Variants in TSPAN9 observed in about 807,000 individuals in gnomAD.
The protein encoded by TSPAN9 is tetraspanin 9.
A neutral mutation model predicts 31.0 loss-of-function variants in TSPAN9; 16 were observed. That is an observed-to-expected ratio of 0.52 (90% CI 0.35 to 0.78). The LOEUF is 0.78. Ranked by LOEUF, TSPAN9 falls within the 30% of genes least tolerant of loss-of-function variation. The pLI is 0.01. For synonymous variants in TSPAN9, 145 were observed against 121.6 expected, an observed-to-expected ratio of 1.19 and a Z score of -1.27; for missense variants, 272 against 312.5, an observed-to-expected ratio of 0.87 and a Z score of 0.98.
At chr12:3,203,433 T>C (rs1304901104) in intron 3 of TSPAN9, among the ~76,000 whole-genome samples, 1 of 152,206 alleles carries the variant, frequency 6.6e-6, no homozygotes, top group African/African-American at 2.4e-5. Context: ...CCGAGCGCCA[T>C]AGCTATGGGA....
intron 2 of TSPAN9, among the ~76,000 whole-genome samples, chr12:3,136,148 C>T (rs1179304114): frequency 1.3e-5 from 2 of 152,298 alleles, no homozygotes; most frequent in South Asian, 2.1e-4. Flanking sequence ...TCAGCAGTGA[C>T]GTGCAGTGAC....
chr12:3,122,373 A>G (rs1372321357), intron 2 of TSPAN9, among the ~76,000 whole-genome samples: 2 of 151,770 alleles, frequency 1.3e-5, no homozygotes, highest in Admixed American at 1.3e-4. Context: ...GGTGTGCAGT[A>G]GCACAATCAT....
At chr12:3,277,365 G>A (rs1443494425) in intron 3 of TSPAN9, among the ~76,000 whole-genome samples, 1 of 152,208 alleles carries the variant, frequency 6.6e-6, no homozygotes, top group East Asian at 1.9e-4. Flanking sequence ...GACAGTGATT[G>A]CCTCCTCTGA....
intron 8 of TSPAN9, among the ~76,000 whole-genome samples, chr12:3,282,387 G>C (rs137952350): frequency 6.6e-6 from 1 of 152,116 alleles, no homozygotes; most frequent in Non-Finnish European, 1.5e-5. Flanking sequence ...GGCTTGACAG[G>C]AGTCCTTTAT....
chr12:3,125,683 T>A (rs1490162468), intron 2 of TSPAN9, among the ~76,000 whole-genome samples: 1 of 152,156 alleles, frequency 6.6e-6, no homozygotes, highest in African/African-American at 2.4e-5. Context: ...TTGCGACTCC[T>A]GCCTTAAATG....
In TSPAN9 at chr12:3,192,438, G is replaced by A. The variant is rs1215594845; in HGVS notation, c.-17-8739G>A. Among the ~76,000 whole-genome samples the A allele has an allele frequency of 2.0e-5, 3 of 152,148 alleles. No individual in the cohort carries two copies. Among genetic ancestry groups the A allele is most frequent in the Admixed American group, 6.5e-5 (1 of 15,276 alleles). ...GATGCCAGGTGCAGGGAGGCTCTGC[G>A]GCTTGGACTTGTGTTTGCTTCGAGG... On this transcript the variant is annotated intron_variant, in intron 2 of 8. Transcript: ENST00000011898. This position sits in a 1 kb window ranked among gnomAD's most constrained non-coding sequence, Gnocchi z 4.6.
intron 3 of TSPAN9, among the ~76,000 whole-genome samples, chr12:3,276,861 G>A (rs1488696964): frequency 1.3e-5 from 2 of 152,142 alleles, no homozygotes; most frequent in East Asian, 3.9e-4. Context: ...CGAAGGAGAT[G>A]CCCTTCCTCA....
At chr12:3,139,940 C>T (rs1336171889) in intron 2 of TSPAN9, among the ~76,000 whole-genome samples, 1 of 152,206 alleles carries the variant, frequency 6.6e-6, no homozygotes, top group African/African-American at 2.4e-5. Flanking sequence ...ACGTGGCCTC[C>T]CCAGGAGCAT....
intron 2 of TSPAN9, among the ~76,000 whole-genome samples, chr12:3,185,575 A>G (rs1228172271): frequency 6.6e-6 from 1 of 152,156 alleles, no homozygotes; most frequent in African/African-American, 2.4e-5. Flanking sequence ...GCCTCAGGTC[A>G]GCACTCCTTA....
chr12:3,098,069 T>A (rs1035851016), intron 2 of TSPAN9, among the ~76,000 whole-genome samples: 6 of 152,074 alleles, frequency 3.9e-5, no homozygotes, highest in Non-Finnish European at 8.8e-5. Flanking sequence ...GAGTGCAGAG[T>A]GCAGCCGGAT....
intron 2 of TSPAN9, among the ~76,000 whole-genome samples, chr12:3,191,868 G>A (rs2098364583): frequency 6.6e-6 from 1 of 152,148 alleles, no homozygotes; most frequent in Non-Finnish European, 1.5e-5. Context: ...AAAAAAAGGG[G>A]CAAATGGTGC....
intron 3 of TSPAN9, among the ~76,000 whole-genome samples, chr12:3,249,695 A>G (rs1279697069): frequency 1.3e-5 from 2 of 152,152 alleles, no homozygotes; most frequent in Non-Finnish European, 2.9e-5. Flanking sequence ...GTTTGGTTTC[A>G]TCTCCACATC....
intron 3 of TSPAN9, among the ~76,000 whole-genome samples, chr12:3,208,940 A>G (rs1285878963): frequency 6.6e-6 from 1 of 152,216 alleles, no homozygotes; most frequent in Non-Finnish European, 1.5e-5. Flanking sequence ...ATGTAGTTTT[A>G]AAAATTCGGC....
intron 2 of TSPAN9, among the ~76,000 whole-genome samples, chr12:3,163,487 C>G (rs79803202): frequency 2.6e-5 from 4 of 152,108 alleles, no homozygotes; most frequent in Admixed American, 1.3e-4. Context: ...CCTTCCACCC[C>G]GCTACACCTA....
rs76550012 is a variant in TSPAN9, at chr12:3,246,834, CA to C, written c.64-31586del. Among the ~76,000 whole-genome samples the C allele has an allele frequency of 3.5e-4, 54 of 152,318 alleles. No homozygotes were observed. In the East Asian group the frequency reaches 9.7e-3, roughly 27 times the overall value. The stretch of plus-strand genomic sequence containing the variant: ...TGGCTCAGAGGAACTGCCCTAGGAC[CA>C]GGGGGGAAGACATCTCTGCTTTGTA... On this transcript the variant is annotated intron_variant, in intron 3 of 8. Transcript: ENST00000011898.
intron 3 of TSPAN9, among the ~76,000 whole-genome samples, chr12:3,209,117 C>A (rs540934366): frequency 6.6e-6 from 1 of 152,016 alleles, no homozygotes; most frequent in South Asian, 2.1e-4. Context: ...TGCCTGTAGT[C>A]CCAGCTAGTC....
chr12:3,115,527 A>T (rs2098321832), intron 2 of TSPAN9, among the ~76,000 whole-genome samples: 1 of 152,214 alleles, frequency 6.6e-6, no homozygotes, highest in Non-Finnish European at 1.5e-5. Flanking sequence ...TATAAACAAT[A>T]GGCATTTATT....
At chr12:3,201,334 C>A in intron 3 of TSPAN9, 78 bp downstream of exon 3, 1 of 1,384,796 alleles carries the variant, frequency 7.2e-7, no homozygotes, top group South Asian at 1.2e-5. Flanking sequence ...CCCTCTCCCT[C>A]TTCTGTGCTG....
intron 2 of TSPAN9, among the ~76,000 whole-genome samples, chr12:3,120,096 C>T (rs1248652817): frequency 1.3e-5 from 2 of 152,194 alleles, no homozygotes; most frequent in South Asian, 4.2e-4. Context: ...TTCCCTCTTC[C>T]TTTCCTCTGT....
Sources: gnomAD v4.1 joint callset for allele counts (sites outside exome capture counted in the v4.1 genomes callset) on GRCh38, gnomAD v4.1.1 for gene constraint, Gnocchi (gnomAD v3.1) non-coding constraint, MANE v1.5 for transcripts, NCBI Gene and HGNC (gene_info 2026-07-23, HGNC 2026-07-21) for gene names.